BORCS5: variants seen among roughly 807,000 people sequenced by gnomAD.
The protein encoded by BORCS5 is BLOC-1-related complex subunit 5.
In BORCS5, 17 loss-of-function variants were observed where a neutral mutation model predicts 22.1. The observed-to-expected ratio is 0.77, with a 90% CI of 0.53 to 1.15. The LOEUF (loss-of-function observed/expected upper bound fraction) is 1.15. Ranked by LOEUF, BORCS5 falls within the 50% of genes most tolerant of loss-of-function variation. BORCS5 has a pLI of 0.00. For synonymous variants in BORCS5, 117 were observed against 99.8 expected (o/e 1.17, Z -1.03); for missense variants, 247 against 253.2 (o/e 0.98, Z 0.17).
At chr12:12,359,135 C>A (rs750684117) in intron 1 of BORCS5, among the ~76,000 whole-genome samples, 2 of 152,096 alleles carry the variant, frequency 1.3e-5, no homozygotes, top group Non-Finnish European at 2.9e-5. Flanking sequence ...CACTTCCCTC[C>A]AAATGGATTA....
intron 2 of BORCS5, among the ~76,000 whole-genome samples, chr12:12,416,930 C>T (rs1325526018): frequency 5.3e-5 from 8 of 151,362 alleles, no homozygotes; most frequent in African/African-American, 7.3e-5. Context: ...TACAGGCAGG[C>T]GCCACCATGC....
chr12:12,438,374 A>C (rs369086637), intron 3 of BORCS5, among the ~76,000 whole-genome samples: 8 of 125,064 alleles, frequency 6.4e-5, no homozygotes, highest in Non-Finnish European at 9.4e-5. Flanking sequence ...AAAAAAAAAA[A>C]AAAAAACGAA....
chr12:12,439,494 C>T (rs188981477), intron 3 of BORCS5, among the ~76,000 whole-genome samples: 1 of 151,824 alleles, frequency 6.6e-6, no homozygotes, highest in East Asian at 1.9e-4. Context: ...AACAAACAGG[C>T]ATGGTGGTGC....
chr12:12,411,708 C>T (rs75671844), intron 2 of BORCS5, among the ~76,000 whole-genome samples: 1 of 152,046 alleles, frequency 6.6e-6, no homozygotes, highest in Admixed American at 6.6e-5. Flanking sequence ...CTTTTGCCTG[C>T]GTTTTCTCAC....
chr12:12,357,673 C>A (rs766401317), intron 1 of BORCS5, among the ~76,000 whole-genome samples, 164 bp downstream of exon 1: 1 of 152,106 alleles, frequency 6.6e-6, no homozygotes, highest in Non-Finnish European at 1.5e-5. Context: ...GGCCTCGATT[C>A]CCCTGATGGA....
intron 3 of BORCS5, among the ~76,000 whole-genome samples, chr12:12,463,999 C>G (rs181688398): frequency 1.3e-5 from 2 of 152,142 alleles, no homozygotes; most frequent in Non-Finnish European, 2.9e-5. Context: ...CTGGCTCCCA[C>G]GAGCCCCGCT....
At chr12:12,446,270 A>C (rs75204996) in intron 3 of BORCS5, among the ~76,000 whole-genome samples, 1 of 152,124 alleles carries the variant, frequency 6.6e-6, no homozygotes, top group Non-Finnish European at 1.5e-5. Context: ...AAAAAAAAAA[A>C]GTAAGGGGAT....
At chr12:12,461,584 C>T (rs1943106763) in intron 3 of BORCS5, among the ~76,000 whole-genome samples, 2 of 152,328 alleles carry the variant, frequency 1.3e-5, no homozygotes, top group South Asian at 2.1e-4. Context: ...CTGGTCTCCT[C>T]TTACACATAA....
At chr12:12,420,651 A>G (rs2136104077) in intron 2 of BORCS5, among the ~76,000 whole-genome samples, 1 of 152,250 alleles carries the variant, frequency 6.6e-6, no homozygotes, top group South Asian at 2.1e-4. Context: ...GGCCATTTTC[A>G]TGATATTGAT....
intron 3 of BORCS5, among the ~76,000 whole-genome samples, chr12:12,464,418 G>T (rs1363804267): frequency 1.3e-5 from 2 of 152,116 alleles, no homozygotes; most frequent in African/African-American, 4.8e-5. Flanking sequence ...GTTTGTTTTT[G>T]TGTCTCTCGA....
chr12:12,457,252 G>A (rs930577201), intron 3 of BORCS5, among the ~76,000 whole-genome samples: 3 of 152,334 alleles, frequency 2.0e-5, no homozygotes, highest in South Asian at 2.1e-4. Context: ...GGGTCAGCAA[G>A]GTTAAGTAAC....
rs201288073 is a variant in BORCS5 at position 12,361,321 on chromosome 12, G to A, written c.174G>A (p.Glu58=). The A allele has an allele frequency of 8.7e-6, 14 of 1,614,042 alleles. No homozygotes were observed. Among genetic ancestry groups the A allele is most frequent in the Middle Eastern group, 1.6e-4 (1 of 6,084 alleles). The change falls in exon 2 of 4, where the codon GAG becomes GAA. Residue 58 remains glutamate (E), a synonymous_variant. Transcript: ENST00000314565. ...SNDPDVIKLQ[E]IPTFQPLLKG... ...ATCCCGATGTCATCAAGTTGCAAGA[G>A]ATTCCAACCTTCCAGCCCCTTTTGA...
At chr12:12,418,696 C>G (rs1400042891) in intron 2 of BORCS5, among the ~76,000 whole-genome samples, 2 of 152,216 alleles carry the variant, frequency 1.3e-5, no homozygotes, top group East Asian at 3.9e-4. Flanking sequence ...CAGTATAGCT[C>G]TTTTGGTTAC....
intron 3 of BORCS5, among the ~76,000 whole-genome samples, chr12:12,442,564 A>T (rs1942706768): frequency 1.3e-5 from 2 of 152,222 alleles, no homozygotes; most frequent in South Asian, 4.1e-4. Context: ...TTGGAAAGCC[A>T]TATGATTACA....
rs71436712 is a variant in BORCS5, at chr12:12,362,636, C to CTTTTTTTTTTT, written c.202+1303_202+1313dup. Among the ~76,000 whole-genome samples, 16 of 57,584 alleles carry CTTTTTTTTTTT rather than the reference C, an allele frequency of 2.8e-4. 1 individual carries two copies. Among genetic ancestry groups the CTTTTTTTTTTT allele is most frequent in the African/African-American group, 6.0e-4 (11 of 18,272 alleles). The allele number at this position is 57,584 out of a possible 152,430, so 37.8% of individuals were successfully genotyped here. A position where few individuals can be genotyped will look rare whatever the true frequency, so the allele number is the denominator to read the frequency against. ...CAACACATTATATCATGTTACTCATCTTTTTTTTTTTTTTTTTTTTTTTTT... is the reference window on the plus strand; with the variant it reads ...CAACACATTATATCATGTTACTCATCTTTTTTTTTTTTTTTTTTTTTTTTTTTTTTTTTTTT... On this transcript the variant is annotated intron_variant, in intron 2 of 3. Transcript: ENST00000314565.
chr12:12,358,243 C>G (rs1863191596), intron 1 of BORCS5, among the ~76,000 whole-genome samples: 1 of 152,168 alleles, frequency 6.6e-6, no homozygotes. Flanking sequence ...GGTTAAGCTC[C>G]GGGGTTGCTA....
chr12:12,420,694 ATTTG>A (rs1055264632), intron 2 of BORCS5, among the ~76,000 whole-genome samples: 3 of 152,288 alleles, frequency 2.0e-5, no homozygotes, highest in African/African-American at 7.2e-5. Context: ...ATATTCTTCC[ATTTG>A]TTTGTGTCCT....
In BORCS5 at chr12:12,465,825, G is replaced by C; in HGVS notation, c.*49G>C. 6.6e-7 allele frequency: 1 copy of C among 1,505,946 alleles called. No individual in the cohort carries two copies. Among genetic ancestry groups the C allele is most frequent in the Non-Finnish European group, 9.1e-7 (1 of 1,102,246 alleles). The allele number at this position is 1,505,946 out of a possible 1,614,324, so 93.3% of individuals were successfully genotyped here. Reference sequence around the variant, plus strand: ...TGGGAGCCCCAGACACCGACACCCTGAGGACGTGTGGAGCTAAGGTCATAT... The same window carrying C: ...TGGGAGCCCCAGACACCGACACCCTCAGGACGTGTGGAGCTAAGGTCATAT... On this transcript the variant is annotated 3_prime_UTR_variant, in exon 4 of 4. Coordinates refer to ENST00000314565, the MANE Select transcript of BORCS5 (RefSeq NM_058169.6).
intron 2 of BORCS5, among the ~76,000 whole-genome samples, chr12:12,415,147 G>A (rs1392144575): frequency 1.3e-5 from 2 of 151,794 alleles, no homozygotes; most frequent in Non-Finnish European, 1.5e-5. Flanking sequence ...CAGACGGGGT[G>A]GCGGCTGGGC....
Sources: gnomAD v4.1 joint callset for allele counts (sites outside exome capture counted in the v4.1 genomes callset) on GRCh38, gnomAD v4.1.1 for gene constraint, MANE v1.5 for transcripts, NCBI Gene and HGNC (gene_info 2026-07-23, HGNC 2026-07-21) for gene names.